Variants in DLG3 observed in about 807,000 individuals in gnomAD.
The protein encoded by DLG3 is disks large homolog 3.
DLG3 carries 1 observed loss-of-function variant against 64.1 expected under a neutral mutation model. The ratio of observed to expected loss-of-function variants is 0.02; its 90% confidence interval spans 0.01 to 0.07. DLG3 has a LOEUF of 0.07. DLG3 is among the 10% of genes least tolerant of loss of function. The pLI is 1.00. For synonymous variants in DLG3, 245 were observed against 259.8 expected (o/e 0.94, Z 0.55); for missense variants, 429 against 669.5 (o/e 0.64, Z 3.96).
intron 9 of DLG3, among the ~76,000 whole-genome samples, chrX:70,459,265 T>C (rs921820569): frequency 8.9e-5 from 10 of 112,309 alleles, no homozygotes; most frequent in Non-Finnish European, 1.9e-4. Context: ...AATGAGAGTA[T>C]TTCTGTAAGT....
At chrX:70,449,638 G>C (rs2086598341) in intron 3 of DLG3, 52 bp from the exon 4 acceptor site, 2 of 1,196,747 alleles carry the variant, frequency 1.7e-6, no homozygotes, top group Admixed American at 2.2e-5. Flanking sequence ...AAGCAGGAGA[G>C]GGGGTGGAGG....
chrX:70,498,153 G>A (rs2087488783), intron 13 of DLG3, among the ~76,000 whole-genome samples: 1 of 112,390 alleles, frequency 8.9e-6, no homozygotes, highest in Admixed American at 9.4e-5. Flanking sequence ...ACTCGGGCAA[G>A]CATCTCAACC....
chrX:70,450,900 T>A, intron 6 of DLG3, 117 bp downstream of exon 6: 1 of 955,805 alleles, frequency 1.0e-6, no homozygotes, highest in Non-Finnish European at 1.5e-6. Context: ...GTGGTGGCAC[T>A]GTAGCAGCCA....
Position 70,448,902 on chromosome X carries a change from T to C in DLG3, c.358-11T>C, listed in dbSNP as rs1272977200. ...GGGGGCACTAAGGGAACTGCCTGTG[T>C]CTCCCCCTAGGTGAATGGCAGTGAT... On this transcript the variant is annotated splice_polypyrimidine_tract_variant and intron_variant, in intron 1 of 18. Coordinates refer to ENST00000374360, the MANE Select transcript of DLG3 (RefSeq NM_021120.4). 1.6e-5 allele frequency: 19 copies of C among 1,207,667 alleles called. No homozygotes were observed. Among genetic ancestry groups the C allele is most frequent in the Non-Finnish European group, 1.8e-5 (16 of 893,996 alleles).
At chrX:70,501,015 G>T in intron 18 of DLG3, 26 bp downstream of exon 18, 1 of 1,094,480 alleles carries the variant, frequency 9.1e-7, no homozygotes, top group South Asian at 2.0e-5. Context: ...CCCTGCGGGG[G>T]GTTCTGGGGA....
chrX:70,499,134 G>A, intron 14 of DLG3, 42 bp from the exon 15 acceptor site: 1 of 1,024,466 alleles, frequency 9.8e-7, no homozygotes, highest in Non-Finnish European at 1.4e-6. Context: ...AGGCTGTCTG[G>A]TGGGGGCCTC....
Position 70,450,296 on chromosome X carries a change from G to T in DLG3, c.831G>T (p.Arg277=), listed in dbSNP as rs138759292. The part of the protein sequence containing the change: ...QKDGRLQIGD[R]LLAVNNTNLQ... Reference sequence around the variant, plus strand: ...ATGGACGCCTACAGATTGGGGACCGGCTGCTGGCGGTGAGACAGACTTCAT... The same window carrying T: ...ATGGACGCCTACAGATTGGGGACCGTCTGCTGGCGGTGAGACAGACTTCAT... The change falls in exon 5 of 19, where the codon CGG becomes CGT. Residue 277 remains arginine (R), a synonymous_variant. Transcript: ENST00000374360. 56 of 1,178,585 alleles carry T rather than the reference G, an allele frequency of 4.8e-5. No homozygotes were observed. Among genetic ancestry groups the T allele is most frequent in the Non-Finnish European group, 6.0e-5 (53 of 879,245 alleles).
rs1555960002 is a variant in DLG3, at chrX:70,445,069, G to GC, written c.-125dup. 1.2e-4 allele frequency: 54 copies of GC among 466,971 alleles called. No homozygotes were observed. Among genetic ancestry groups the GC allele is most frequent in the Middle Eastern group, 6.7e-4 (1 of 1,488 alleles). 38.5% of individuals were successfully genotyped at this position (466,971 alleles called of 1,213,427 possible). On this transcript the variant is annotated 5_prime_UTR_variant, in exon 1 of 19. Coordinates refer to ENST00000374360, the MANE Select transcript of DLG3 (RefSeq NM_021120.4). Reference sequence around the variant, plus strand: ...GCTCAGCCCGGGCGCCCCCACGGGTGCCCCCCCCTTCTTGGTCCGAGCAGT... The same window carrying GC: ...GCTCAGCCCGGGCGCCCCCACGGGTGCCCCCCCCCTTCTTGGTCCGAGCAGT...
chrX:70,465,807 G>GA (rs1330174926), intron 9 of DLG3, among the ~76,000 whole-genome samples: 3 of 111,170 alleles, frequency 2.7e-5, no homozygotes, highest in African/African-American at 9.8e-5. Flanking sequence ...TATATTTTTT[G>GA]AAAAAAATGG....
At position 70,445,262 on chromosome X, in the gene DLG3, G is replaced by A. The variant is rs1476989063; in HGVS notation, c.61G>A (p.Ala21Thr). ...PECYEVTRLA[A>T]LRRLEPPGYG... ...GTGCTATGAGGTGACCCGCCTGGCC[G>A]CCCTGCGGCGCCTCGAGCCTCCGGG... Residue 21 changes from alanine to threonine, a missense_variant, in exon 1 of 19, where the codon GCC becomes ACC. By Grantham distance (58) the Ala-to-Thr change is moderately conservative. Transcript: ENST00000374360. 1.7e-6 allele frequency: 2 copies of A among 1,164,506 alleles called. No homozygotes were observed. Among genetic ancestry groups the A allele is most frequent in the South Asian group, 1.9e-5 (1 of 52,832 alleles).
At chrX:70,471,711 C>T (rs1378479647) in intron 9 of DLG3, among the ~76,000 whole-genome samples, 3 of 111,570 alleles carry the variant, frequency 2.7e-5, no homozygotes. Flanking sequence ...ACTCTACATC[C>T]AATCAGATGT....
chrX:70,454,464 G>T, intron 9 of DLG3, 148 bp downstream of exon 9: 1 of 530,559 alleles, frequency 1.9e-6, no homozygotes, highest in Non-Finnish European at 3.2e-6. Context: ...TTTCCTGCTG[G>T]GTAGGGGTTG....
intron 9 of DLG3, among the ~76,000 whole-genome samples, chrX:70,460,792 A>G (rs1191809602): frequency 1.8e-5 from 2 of 111,271 alleles, no homozygotes; most frequent in Non-Finnish European, 3.8e-5. Flanking sequence ...TTTTGTCTCT[A>G]TGGATTTGCC....
At chrX:70,451,096 T>C (rs1370522360) in intron 6 of DLG3, 1 of 319,471 alleles carries the variant, frequency 3.1e-6, no homozygotes. Flanking sequence ...CCCAGTTCTG[T>C]CTTTGTTTTT....
intron 10 of DLG3, among the ~76,000 whole-genome samples, chrX:70,485,237 C>T (rs1411459348): frequency 2.7e-5 from 3 of 111,688 alleles, no homozygotes; most frequent in South Asian, 3.8e-4. Flanking sequence ...CACAAGGATT[C>T]AGAATCCCAC....
intron 9 of DLG3, among the ~76,000 whole-genome samples, chrX:70,477,339 A>G (rs1444637518): frequency 8.9e-6 from 1 of 112,426 alleles, no homozygotes; most frequent in Non-Finnish European, 1.9e-5. Context: ...CCTGGTCAGA[A>G]ATCTTTGTCT....
intron 10 of DLG3, 47 bp from the exon 11 acceptor site, chrX:70,492,060 G>A: frequency 1.7e-6 from 2 of 1,155,143 alleles, no homozygotes; most frequent in South Asian, 3.8e-5. Context: ...CCAGTGTCTT[G>A]GCATTTAGGG....
intron 9 of DLG3, among the ~76,000 whole-genome samples, chrX:70,461,657 G>A (rs760311333): frequency 2.0e-4 from 21 of 106,076 alleles, no homozygotes; most frequent in African/African-American, 6.9e-4. Context: ...TGCAACCTCC[G>A]CCTCCCAGGT....
At chrX:70,470,031 G>C (rs1292149921) in intron 9 of DLG3, among the ~76,000 whole-genome samples, 1 of 111,848 alleles carries the variant, frequency 8.9e-6, no homozygotes, top group African/African-American at 3.2e-5. Flanking sequence ...GATTTATTTT[G>C]AGGTTATAGG....
Sources: allele counts gnomAD v4.1 joint callset (sites outside exome capture counted in the v4.1 genomes callset), GRCh38; gene constraint gnomAD v4.1.1; transcripts MANE v1.5; gene names NCBI Gene and HGNC (gene_info 2026-07-23, HGNC 2026-07-21).